Variants in PRR33 observed in about 807,000 individuals in gnomAD.
PRR33 encodes proline-rich protein 33.
In PRR33, 1 loss-of-function variant was observed where a neutral mutation model predicts 0.5. That is an observed-to-expected ratio of 2.18 (90% CI 0.77 to 10.34). The LOEUF (loss-of-function observed/expected upper bound fraction) is 10.34, where lower values mean the gene tolerates loss of function less well. Ranked by LOEUF, PRR33 falls within the 30% of genes most tolerant of loss-of-function variation. PRR33 has a pLI of 0.13. For synonymous variants in PRR33, 226 were observed against 110.0 expected, an observed-to-expected ratio of 2.06 and a Z score of -6.60; for missense variants, 552 against 251.8, an observed-to-expected ratio of 2.19 and a Z score of -8.07.
chr11:1,890,899 G>C (rs1848972426), exon 1 of PRR33: 1 of 366,410 alleles, frequency 2.7e-6, no homozygotes, highest in East Asian at 4.6e-5. Flanking sequence ...CAGGCCCCAA[G>C]TACACAGCCT....
chr11:1,905,433 C>CTTTTTT, the PRR33 span, among the ~76,000 whole-genome samples: 1 of 97,894 alleles, frequency 1.0e-5, no homozygotes, highest in Non-Finnish European at 2.0e-5. Context: ...GGCCTTCTCT[C>CTTTTTT]TTTTTTTTTT....
rs187194276 is a variant in PRR33, at chr11:1,891,129, C to T, written c.-545G>A. 4.7e-4 allele frequency: 73 copies of T among 156,136 alleles called. No individual in the cohort carries two copies. In the East Asian group the frequency reaches 0.012, roughly 26 times the overall value. 9.7% of individuals were successfully genotyped at this position (156,136 alleles called of 1,614,324 possible). A position where few individuals can be genotyped will look rare whatever the true frequency, so the allele number is the denominator to read the frequency against. On this transcript the variant is annotated 5_prime_UTR_variant, in exon 1 of 1. Transcript: ENST00000640310. ...TGGCGGCCAAGAGGCTTGGGAAAGC[C>T]GAGGCTGCATCATCAGAGGTAGATT...
the PRR33 span, among the ~76,000 whole-genome samples, chr11:1,914,922 C>CTG: frequency 3.3e-5 from 3 of 91,166 alleles, no homozygotes; most frequent in East Asian, 3.6e-4. Flanking sequence ...CTGTGTGTGT[C>CTG]TGTGTGTGTG....
upstream of PRR33, among the ~76,000 whole-genome samples, chr11:1,893,051 A>T (rs549414345): frequency 7.9e-4 from 115 of 144,706 alleles, no homozygotes; most frequent in African/African-American, 2.9e-3. Context: ...AGGTGAATGG[A>T]TGGGTAGGTG....
chr11:1,913,923 C>A, the PRR33 span, among the ~76,000 whole-genome samples: 4 of 152,238 alleles, frequency 2.6e-5, no homozygotes, highest in Non-Finnish European at 5.9e-5. Flanking sequence ...TTGCAGGATG[C>A]GTGGGGGACG....
chr11:1,910,058 G>A, the PRR33 span, among the ~76,000 whole-genome samples: 1 of 152,236 alleles, frequency 6.6e-6, no homozygotes, highest in South Asian at 2.1e-4. Context: ...GTGGCTCACA[G>A]CCGCAGGTCA....
chr11:1,915,098 G>A, the PRR33 span, among the ~76,000 whole-genome samples: 1 of 144,112 alleles, frequency 6.9e-6, no homozygotes, highest in African/African-American at 2.6e-5. Flanking sequence ...GTTTCTCTGT[G>A]TCTGTGTGTT....
chr11:1,889,575 C>T (rs368536969), exon 1 of PRR33: 19 of 611,936 alleles, frequency 3.1e-5, no homozygotes, highest in South Asian at 9.7e-5. Flanking sequence ...GCCACTGAGC[C>T]GGGGCTTGGG....
chr11:1,913,816 C>G, the PRR33 span, among the ~76,000 whole-genome samples: 17 of 152,258 alleles, frequency 1.1e-4, no homozygotes, highest in Admixed American at 9.2e-4. Context: ...GACGCCTCAC[C>G]CCGCGCTCTG....
the PRR33 span, among the ~76,000 whole-genome samples, chr11:1,910,041 G>T: frequency 6.6e-6 from 1 of 152,176 alleles, no homozygotes; most frequent in Non-Finnish European, 1.5e-5. Context: ...CCGGGACTTC[G>T]CCATTGGTGG....
At chr11:1,910,717 T>C in the PRR33 span, among the ~76,000 whole-genome samples, 1 of 152,250 alleles carries the variant, frequency 6.6e-6, no homozygotes, top group African/African-American at 2.4e-5. Flanking sequence ...TGGTGCATTC[T>C]TAACGCTATC....
At chr11:1,904,023 C>T in the PRR33 span, among the ~76,000 whole-genome samples, 191 of 152,244 alleles carry the variant, frequency 1.3e-3, no homozygotes, top group African/African-American at 4.5e-3. Context: ...CTGAACCCAG[C>T]TTAGATAAAA....
upstream of PRR33, among the ~76,000 whole-genome samples, chr11:1,893,641 A>AGT (rs1372289558): frequency 3.0e-5 from 4 of 132,882 alleles, no homozygotes; most frequent in East Asian, 2.5e-4. Flanking sequence ...GATGGATGGA[A>AGT]GGAGCGATAA....
At chr11:1,890,270 G>A in exon 1 of PRR33, 2 of 713,990 alleles carry the variant, frequency 2.8e-6, no homozygotes, top group South Asian at 3.0e-5. Context: ...CCACCATGCG[G>A]GGAGCCTCGG....
chr11:1,897,893 C>A, the PRR33 span, among the ~76,000 whole-genome samples: 2 of 152,276 alleles, frequency 1.3e-5, no homozygotes, highest in South Asian at 4.1e-4. This position sits in a 1 kb window ranked among gnomAD's most constrained non-coding sequence, Gnocchi z 4.0. Context: ...TCAGGAAGAT[C>A]ATATTTAATA....
chr11:1,900,672 C>T, the PRR33 span, among the ~76,000 whole-genome samples: 3 of 152,182 alleles, frequency 2.0e-5, no homozygotes, highest in African/African-American at 7.2e-5. Flanking sequence ...ACTTCTGTGG[C>T]CTACAATAAC....
chr11:1,914,610 T>TG, the PRR33 span, among the ~76,000 whole-genome samples: 2 of 84,836 alleles, frequency 2.4e-5, no homozygotes, highest in East Asian at 3.7e-4. Context: ...GTGTGTGTGT[T>TG]CTGGGGTCAC....
At chr11:1,910,041 G>A in the PRR33 span, among the ~76,000 whole-genome samples, 7 of 152,176 alleles carry the variant, frequency 4.6e-5, no homozygotes, top group South Asian at 2.1e-4. Flanking sequence ...CCGGGACTTC[G>A]CCATTGGTGG....
exon 1 of PRR33, chr11:1,889,811 C>A: frequency 1.6e-6 from 1 of 638,516 alleles, no homozygotes; most frequent in Non-Finnish European, 2.9e-6. Flanking sequence ...CCTCTCTGGG[C>A]ACTGAGGCCT....
Sources: allele counts gnomAD v4.1 joint callset (sites outside exome capture counted in the v4.1 genomes callset), GRCh38; gene constraint gnomAD v4.1.1; non-coding constraint Gnocchi (gnomAD v3.1); transcripts MANE v1.5; gene names NCBI Gene and HGNC (gene_info 2026-07-23, HGNC 2026-07-21).